Variants in URI1 observed in about 807,000 individuals in gnomAD.
The protein encoded by URI1 is URI1 prefoldin like chaperone.
In URI1, 39 loss-of-function variants were observed where a neutral mutation model predicts 60.2. The observed-to-expected ratio is 0.65, with a 90% confidence interval of 0.50 to 0.85. The LOEUF is 0.85. Among genes scored for constraint, URI1 ranks in the 40% least tolerant of loss-of-function variants. URI1 has a pLI of 0.00. For synonymous variants in URI1, 251 were observed against 236.8 expected, an observed-to-expected ratio of 1.06 and a Z score of -0.55; for missense variants, 691 against 665.9, an observed-to-expected ratio of 1.04 and a Z score of -0.42.
At chr19:29,994,281 T>TA (rs1448757176) in intron 4 of URI1, among the ~76,000 whole-genome samples, 2 of 152,128 alleles carry the variant, frequency 1.3e-5, no homozygotes, top group Non-Finnish European at 2.9e-5. Flanking sequence ...CTAGCTAACT[T>TA]ACTGTCTTTT....
rs1257919429 is a variant in URI1, at chr19:29,983,709, A to G, written c.153-1514A>G. Among the ~76,000 whole-genome samples, 4 of 152,324 alleles carry G rather than the reference A, an allele frequency of 2.6e-5. No homozygotes were observed. In the East Asian group the frequency reaches 5.8e-4, roughly 22 times the overall value. On this transcript the variant is annotated intron_variant, in intron 2 of 10. Coordinates refer to ENST00000392271, the MANE Select transcript of URI1 (RefSeq NM_003796.3). ...CTTTGGAAACCCAGTCTCCAGAGAAAGTTTGACGGGCATCTTGGCATAGGC... is the reference window on the plus strand; with the variant it reads ...CTTTGGAAACCCAGTCTCCAGAGAAGGTTTGACGGGCATCTTGGCATAGGC...
intron 1 of URI1, among the ~76,000 whole-genome samples, chr19:29,943,078 T>C (rs2055052950): frequency 6.6e-6 from 1 of 152,168 alleles, no homozygotes; most frequent in Admixed American, 6.5e-5. Flanking sequence ...CTGTGCAATA[T>C]TTGGTTATTT....
intron 4 of URI1, among the ~76,000 whole-genome samples, chr19:29,996,149 A>T (rs527628849): frequency 6.6e-6 from 1 of 152,176 alleles, no homozygotes; most frequent in African/African-American, 2.4e-5. Flanking sequence ...CAAAAAAAAA[A>T]TTACTGGATT....
chr19:29,929,820 C>G (rs2054901020), intron 1 of URI1, among the ~76,000 whole-genome samples: 1 of 151,214 alleles, frequency 6.6e-6, no homozygotes, highest in Non-Finnish European at 1.5e-5. Context: ...AACTCAATGA[C>G]AACAAAAAAA....
intron 4 of URI1, among the ~76,000 whole-genome samples, chr19:29,991,071 A>G (rs2055740128): frequency 6.6e-6 from 1 of 152,028 alleles, no homozygotes; most frequent in African/African-American, 2.4e-5. Context: ...TTCTTTCCAA[A>G]TTGTTTTGGC....
chr19:29,924,854 T>A (rs2145184351), intron 1 of URI1, among the ~76,000 whole-genome samples: 1 of 152,344 alleles, frequency 6.6e-6, no homozygotes, highest in East Asian at 1.9e-4. Flanking sequence ...TAATTTTTTT[T>A]AGATGAAGTC....
chr19:29,942,729 C>A, intron 1 of URI1, 65 bp downstream of exon 1: 2 of 1,305,318 alleles, frequency 1.5e-6, no homozygotes, highest in Non-Finnish European at 2.0e-6. Flanking sequence ...GTGCTCTGGG[C>A]CGCCGCCCCG....
intron 1 of URI1, among the ~76,000 whole-genome samples, chr19:29,965,907 A>G (rs1308377015): frequency 1.3e-5 from 2 of 152,232 alleles, no homozygotes; most frequent in African/African-American, 2.4e-5. Context: ...GGCATACAGG[A>G]AAAAATGCTT....
chr19:29,957,201 T>C (rs1459481654), intron 1 of URI1, among the ~76,000 whole-genome samples: 2 of 152,104 alleles, frequency 1.3e-5, no homozygotes, highest in Admixed American at 6.6e-5. Context: ...TTCATGAATG[T>C]ATTAATCATA....
At chr19:29,995,074 G>T (rs913355696) in intron 4 of URI1, among the ~76,000 whole-genome samples, 14 of 152,014 alleles carry the variant, frequency 9.2e-5, no homozygotes, top group African/African-American at 3.4e-4. Flanking sequence ...GAGCCACCAC[G>T]CCCGGCCCTA....
intron 4 of URI1, among the ~76,000 whole-genome samples, chr19:29,990,663 A>C (rs1392694262): frequency 2.0e-5 from 3 of 152,222 alleles, no homozygotes; most frequent in Non-Finnish European, 4.4e-5. Flanking sequence ...TATTCAGAAA[A>C]GGTAAATTTA....
chr19:29,998,465 T>C (rs2055839600), intron 4 of URI1, among the ~76,000 whole-genome samples: 1 of 152,214 alleles, frequency 6.6e-6, no homozygotes, highest in Admixed American at 6.5e-5. Flanking sequence ...CCTTCTGTTC[T>C]GTACATTTTT....
upstream of URI1, among the ~76,000 whole-genome samples, chr19:29,939,261 G>A (rs904928398): frequency 3.3e-5 from 5 of 151,368 alleles, no homozygotes; most frequent in Admixed American, 6.6e-5. Flanking sequence ...ACAGGCGTGA[G>A]CCACTGCGCC....
chr19:29,947,209 G>A (rs1022319249), intron 1 of URI1, among the ~76,000 whole-genome samples: 5 of 152,240 alleles, frequency 3.3e-5, no homozygotes, highest in African/African-American at 1.2e-4. Flanking sequence ...CGATTGGAAT[G>A]TGTTTTGAGG....
intron 1 of URI1, among the ~76,000 whole-genome samples, chr19:29,934,347 T>G (rs1043013701): frequency 6.6e-6 from 1 of 152,214 alleles, no homozygotes; most frequent in Admixed American, 6.5e-5. Context: ...TGATAACACT[T>G]TATCACGAAG....
intron 4 of URI1, among the ~76,000 whole-genome samples, chr19:29,986,705 A>G (rs2055674995): frequency 6.6e-6 from 1 of 152,310 alleles, no homozygotes; most frequent in Non-Finnish European, 1.5e-5. Flanking sequence ...AGACATAAAA[A>G]TTGGAGTCAT....
intron 1 of URI1, among the ~76,000 whole-genome samples, chr19:29,925,104 G>A (rs961377852): frequency 3.3e-5 from 5 of 152,220 alleles, no homozygotes; most frequent in Admixed American, 6.5e-5. Context: ...CCAAAGTGCT[G>A]GGATTACAGG....
chr19:29,965,381 G>A (rs1163563379), intron 1 of URI1, among the ~76,000 whole-genome samples: 1 of 152,186 alleles, frequency 6.6e-6, no homozygotes, highest in African/African-American at 2.4e-5. Flanking sequence ...CAGTGGGCAT[G>A]CAAGGTGGAA....
chr19:29,936,873 C>T (rs1434466766), intron 1 of URI1, among the ~76,000 whole-genome samples: 1 of 152,170 alleles, frequency 6.6e-6, no homozygotes, highest in Non-Finnish European at 1.5e-5. Flanking sequence ...TGGCCTCAGC[C>T]TCCCCAGCAG....
Sources: gnomAD v4.1 joint callset for allele counts (sites outside exome capture counted in the v4.1 genomes callset) on GRCh38, gnomAD v4.1.1 for gene constraint, MANE v1.5 for transcripts, NCBI Gene and HGNC (gene_info 2026-07-23, HGNC 2026-07-21) for gene names.